The following PRRC2B variants were observed in gnomAD, a reference collection of about 807,000 sequenced individuals.
The protein encoded by PRRC2B is protein PRRC2B.
In PRRC2B, 68 loss-of-function variants were observed where a neutral mutation model predicts 242.3. The observed-to-expected ratio is 0.28, with a 90% CI of 0.23 to 0.34. PRRC2B has a LOEUF of 0.34. PRRC2B is among the 10% of genes least tolerant of loss of function. The pLI, the probability that PRRC2B is intolerant of heterozygous loss-of-function variation, is 1.00. For missense variants in PRRC2B, 2,835 were observed against 2,954.8 expected (o/e 0.96, Z 0.94); for synonymous variants, 1,228 against 1,173.6 (o/e 1.05, Z -0.95).
intron 1 of PRRC2B, among the ~76,000 whole-genome samples, chr9:131,420,508 T>TCCTTCCTTCCTTCCTTCCTTCC (rs1837807733): frequency 7.7e-6 from 1 of 129,504 alleles, no homozygotes; most frequent in Non-Finnish European, 1.6e-5. Context: ...TTTTTTTTTT[T>TCCTTCCTTCCTTCCTTCCTTCC]TTGAGATGGA....
intron 10 of PRRC2B, among the ~76,000 whole-genome samples, chr9:131,456,624 C>T (rs914377886): frequency 6.6e-6 from 1 of 150,898 alleles, no homozygotes; most frequent in Non-Finnish European, 1.5e-5. Flanking sequence ...GGCAACAGAG[C>T]GAGACTCCAC....
chr9:131,410,865 G>C (rs888924682), intron 1 of PRRC2B, among the ~76,000 whole-genome samples: 5 of 151,866 alleles, frequency 3.3e-5, no homozygotes, highest in African/African-American at 1.2e-4. Flanking sequence ...ACATTTGCTT[G>C]CATTGGTTTT....
intron 11 of PRRC2B, among the ~76,000 whole-genome samples, chr9:131,462,081 G>A (rs1030313454): frequency 3.4e-4 from 52 of 152,216 alleles, no homozygotes; most frequent in African/African-American, 1.2e-3. Context: ...CAGTCAAGAA[G>A]TAGTGCTGAT....
At chr9:131,483,137 T>G (rs1943918546) in intron 22 of PRRC2B, among the ~76,000 whole-genome samples, 1 of 152,116 alleles carries the variant, frequency 6.6e-6, no homozygotes, top group African/African-American at 2.4e-5. Context: ...TCTTCCCTGT[T>G]TCTGTCAGGC....
chr9:131,419,629 C>G (rs1314530446), intron 1 of PRRC2B, among the ~76,000 whole-genome samples: 1 of 152,124 alleles, frequency 6.6e-6, no homozygotes, highest in Non-Finnish European at 1.5e-5. Context: ...AGGACAAGTG[C>G]TGGGTCAAGT....
At chr9:131,461,775 C>T (rs1471627400) in intron 11 of PRRC2B, among the ~76,000 whole-genome samples, 1 of 152,208 alleles carries the variant, frequency 6.6e-6, no homozygotes, top group Non-Finnish European at 1.5e-5. Flanking sequence ...GATCTACCCA[C>T]CTTGGCCTCC....
At chr9:131,470,309 C>T (rs1564294161) in intron 13 of PRRC2B, among the ~76,000 whole-genome samples, 1 of 152,090 alleles carries the variant, frequency 6.6e-6, no homozygotes, top group Non-Finnish European at 1.5e-5. Flanking sequence ...TAGGGGTTGA[C>T]ATATTGGGCG....
rs553049679 is a variant in PRRC2B, at chr9:131,394,120, A to C, written c.-195A>C. ...GCCGAGGCTCCACCGCGCAGCGACG[A>C]GCGAGCCCGGGAGGAGGGAGGGAGC... On this transcript the variant is annotated 5_prime_UTR_variant, in exon 1 of 32. Transcript: ENST00000683519. 4.7e-5 allele frequency: 7 copies of C among 148,716 alleles called. No individual in the cohort carries two copies. The highest frequency in any genetic ancestry group is 7.4e-5 in the African/African-American group (3 of 40,812). 9.2% of individuals were successfully genotyped at this position (148,716 alleles called of 1,614,324 possible). A position where few individuals can be genotyped will look rare whatever the true frequency, so the allele number is the denominator to read the frequency against.
chr9:131,495,143 G>A (rs941106942), intron 31 of PRRC2B, among the ~76,000 whole-genome samples: 1 of 151,894 alleles, frequency 6.6e-6, no homozygotes, highest in Non-Finnish European at 1.5e-5. Context: ...AGACCTGGTG[G>A]GGGGCAGATG....
At position 131,487,732 on chromosome 9, in the gene PRRC2B, G is replaced by A. The variant is rs1002888776; in HGVS notation, c.5985-124G>A. On this transcript the variant is annotated intron_variant, in intron 27 of 31. Transcript: ENST00000683519. This position sits in a 1 kb window ranked among gnomAD's most constrained non-coding sequence, Gnocchi z 5.3. ...GGCCCCATCCTGGACCCTCTGAGTC[G>A]CGCTCTGGGGGTGGGGCCGGGGATC... is the stretch of plus-strand genomic sequence containing the variant. 1.5e-6 allele frequency: 2 copies of A among 1,310,278 alleles called. No individual in the cohort carries two copies. Among genetic ancestry groups the A allele is most frequent in the Admixed American group, 2.5e-5 (1 of 40,156 alleles). 81.2% of individuals were successfully genotyped at this position (1,310,278 alleles called of 1,614,324 possible). A position where few individuals can be genotyped will look rare whatever the true frequency, so the allele number is the denominator to read the frequency against.
rs779835604 is a variant in PRRC2B at position 131,470,973 on chromosome 9, G to A, written c.2097G>A (p.Leu699=). ...RTPVDFYPSA[L]HPSGLMKPMM... is the part of the protein sequence containing the mutation. ...CGGTGGACTTCTACCCCTCCGCCCT[G>A]CATCCCTCAGGTAAGCACTGTGGTC... is the stretch of plus-strand genomic sequence containing the variant. The change falls in exon 14 of 32, where the codon CTG becomes CTA. Residue 699 remains leucine (L), a synonymous_variant. Transcript: ENST00000683519. 3 of 1,610,030 alleles carry A rather than the reference G, an allele frequency of 1.9e-6. No homozygotes were observed. The highest frequency in any genetic ancestry group is 3.4e-5 in the Admixed American group (2 of 59,360).
At chr9:131,476,614 A>G in intron 16 of PRRC2B, 79 bp downstream of exon 16, 2 of 1,338,196 alleles carry the variant, frequency 1.5e-6, no homozygotes, top group Middle Eastern at 2.5e-4. Flanking sequence ...ATGCATGCCG[A>G]TGCCGCCGTG....
At chr9:131,445,181 A>G (rs1838755006) in intron 6 of PRRC2B, among the ~76,000 whole-genome samples, 1 of 149,560 alleles carries the variant, frequency 6.7e-6, no homozygotes. Context: ...TTTTTTTGAG[A>G]TGGAGTTTCG....
At chr9:131,439,647 C>T (rs548077381) in intron 5 of PRRC2B, among the ~76,000 whole-genome samples, 2 of 152,170 alleles carry the variant, frequency 1.3e-5, no homozygotes, top group Non-Finnish European at 2.9e-5. Context: ...AGGTCCTGCC[C>T]CTTATGGGTT....
At chr9:131,430,397 T>C (rs1488002953) in intron 2 of PRRC2B, 138 bp downstream of exon 2, 1 of 563,102 alleles carries the variant, frequency 1.8e-6, no homozygotes, top group Non-Finnish European at 3.2e-6. Context: ...AATCACTCTC[T>C]ACTTCCTACT....
chr9:131,470,780 G>C lies in PRRC2B; in HGVS notation c.1912-8G>C, dbSNP rs373137148. 3.7e-6 allele frequency: 6 copies of C among 1,609,846 alleles called. No homozygotes were observed. Among genetic ancestry groups the C allele is most frequent in the African/African-American group, 1.3e-5 (1 of 74,528 alleles). ...AGCCTGACCAAGTCTCTCTCTCTCT[G>C]TGGGCAGGAGCAGCTGTACAAGATG... is the stretch of plus-strand genomic sequence containing the variant. On this transcript the variant is annotated splice_polypyrimidine_tract_variant and splice_region_variant and intron_variant, in intron 13 of 31. Coordinates refer to ENST00000683519, the MANE Select transcript of PRRC2B (RefSeq NM_013318.4).
intron 13 of PRRC2B, among the ~76,000 whole-genome samples, chr9:131,470,340 A>T (rs1158191690): frequency 1.3e-5 from 2 of 152,164 alleles, no homozygotes; most frequent in Middle Eastern, 3.2e-3. Context: ...GTGTGAAAAG[A>T]TCATCCTAGT....
At chr9:131,387,508 C>CA (rs1836841064) in intron 1 of PRRC2B, among the ~76,000 whole-genome samples, 1 of 150,388 alleles carries the variant, frequency 6.6e-6, no homozygotes. Flanking sequence ...TTAACCATCA[C>CA]AGCAGAGAAC....
chr9:131,422,034 TTTTC>T (rs1017454850), intron 1 of PRRC2B, among the ~76,000 whole-genome samples: 11 of 152,212 alleles, frequency 7.2e-5, no homozygotes, highest in East Asian at 1.9e-4. Context: ...GTTACTTTTC[TTTTC>T]TTTCTTTCTT....
Sources: allele counts gnomAD v4.1 joint callset (sites outside exome capture counted in the v4.1 genomes callset), GRCh38; gene constraint gnomAD v4.1.1; non-coding constraint Gnocchi (gnomAD v3.1); transcripts MANE v1.5; gene names NCBI Gene and HGNC (gene_info 2026-07-23, HGNC 2026-07-21).